CEP85L: variants seen among roughly 807,000 people sequenced by gnomAD.
The protein encoded by CEP85L is centrosomal protein of 85 kDa-like.
A neutral mutation model predicts 100.3 loss-of-function variants in CEP85L; 60 were observed. The ratio of observed to expected loss-of-function variants is 0.60; its 90% CI spans 0.49 to 0.74. CEP85L has a LOEUF of 0.74. Ranked by LOEUF, CEP85L falls within the 30% of genes least tolerant of loss-of-function variation. CEP85L has a pLI of 0.00. For synonymous variants in CEP85L, 319 were observed against 322.7 expected (o/e 0.99, Z 0.12); for missense variants, 973 against 936.2 (o/e 1.04, Z -0.51).
chr6:118,526,794 A>AG (rs1199803463), intron 3 of CEP85L, among the ~76,000 whole-genome samples: 1 of 152,216 alleles, frequency 6.6e-6, no homozygotes, highest in Non-Finnish European at 1.5e-5. Flanking sequence ...TAGTTTACAA[A>AG]GGCCATGGCA....
chr6:118,625,048 T>C lies in CEP85L; in HGVS notation c.232+7405A>G, dbSNP rs116805710. 3.8e-3 allele frequency among the ~76,000 whole-genome samples: 574 copies of C among 152,348 alleles called. 3 individuals carry two copies. The highest frequency in any genetic ancestry group is 0.013 in the African/African-American group (542 of 41,580). On this transcript the variant is annotated intron_variant, in intron 2 of 12. Transcript: ENST00000368491. ...TCCCAGTAGTCCCTGTCCCAGGACA[T>C]TGGAACCTATCCACCTCAGTCCTAA...
At chr6:118,615,935 T>C (rs184213677) in intron 2 of CEP85L, among the ~76,000 whole-genome samples, 11 of 152,174 alleles carry the variant, frequency 7.2e-5, no homozygotes, top group African/African-American at 2.4e-4. Context: ...TTTCCATCAC[T>C]GATTTAAATC....
chr6:118,552,505 T>C (rs1046403448), intron 3 of CEP85L, among the ~76,000 whole-genome samples: 1 of 151,982 alleles, frequency 6.6e-6, no homozygotes, highest in South Asian at 2.1e-4. Flanking sequence ...GCAGACAAAG[T>C]AAGGACTCCT....
intron 5 of CEP85L, among the ~76,000 whole-genome samples, chr6:118,506,315 TTTAA>T (rs960844363): frequency 3.9e-5 from 6 of 152,166 alleles, no homozygotes; most frequent in East Asian, 1.9e-4. Flanking sequence ...CTGGCGGTAC[TTTAA>T]TTAGAGGTCT....
At chr6:118,507,413 A>G (rs577141347) in intron 5 of CEP85L, among the ~76,000 whole-genome samples, 1 of 152,310 alleles carries the variant, frequency 6.6e-6, no homozygotes, top group East Asian at 1.9e-4. Flanking sequence ...CCTGCCTCCA[A>G]TAACATCTAC....
intron 2 of CEP85L, among the ~76,000 whole-genome samples, chr6:118,630,890 AAGGGATAT>A (rs1261617752): frequency 6.6e-6 from 1 of 152,212 alleles, no homozygotes; most frequent in African/African-American, 2.4e-5. Flanking sequence ...CTGCACATGC[AAGGGATAT>A]AGGTTGTGCG....
At chr6:118,675,748 C>A (rs1309669056) in intron 1 of CEP85L, among the ~76,000 whole-genome samples, 1 of 151,772 alleles carries the variant, frequency 6.6e-6, no homozygotes, top group Non-Finnish European at 1.5e-5. Flanking sequence ...CCCAGTAAGA[C>A]CCTGTCTCTA....
chr6:118,643,577 G>A (rs887097537), intron 1 of CEP85L, among the ~76,000 whole-genome samples: 1 of 152,092 alleles, frequency 6.6e-6, no homozygotes, highest in East Asian at 1.9e-4. Context: ...GCATACAACA[G>A]TTTCTGATCT....
At chr6:118,674,134 C>G (rs55892056) in intron 1 of CEP85L, among the ~76,000 whole-genome samples, 1 of 152,000 alleles carries the variant, frequency 6.6e-6, no homozygotes, top group African/African-American at 2.4e-5. Flanking sequence ...ACCAAAAACA[C>G]GGATAACAAT....
chr6:118,590,767 T>C (rs1781143396), intron 2 of CEP85L, among the ~76,000 whole-genome samples: 1 of 152,218 alleles, frequency 6.6e-6, no homozygotes, highest in African/African-American at 2.4e-5. Flanking sequence ...TCAGGTATTC[T>C]GTGCATAGAA....
At chr6:118,505,276 A>G (rs1205319452) in intron 5 of CEP85L, among the ~76,000 whole-genome samples, 1 of 151,920 alleles carries the variant, frequency 6.6e-6, no homozygotes, top group Non-Finnish European at 1.5e-5. Flanking sequence ...CCCCGTCTCT[A>G]ATAAAAATAC....
At chr6:118,675,562 A>G (rs1776455835) in intron 1 of CEP85L, among the ~76,000 whole-genome samples, 1 of 151,874 alleles carries the variant, frequency 6.6e-6, no homozygotes, top group African/African-American at 2.4e-5. Context: ...AAGATTAGAA[A>G]AGATTCCTTT....
chr6:118,687,980 G>C (rs1249855562), intron 1 of CEP85L, among the ~76,000 whole-genome samples: 1 of 152,164 alleles, frequency 6.6e-6, no homozygotes, highest in Non-Finnish European at 1.5e-5. Context: ...TTCTGATAGA[G>C]CTATAACACT....
chr6:118,520,189 T>C (rs946578408), intron 4 of CEP85L, among the ~76,000 whole-genome samples: 13 of 152,194 alleles, frequency 8.5e-5, no homozygotes, highest in African/African-American at 3.1e-4. Flanking sequence ...CATCACTGTA[T>C]TGGAGGCTCT....
chr6:118,481,717 G>A (rs1248255684), intron 8 of CEP85L, 62 bp downstream of exon 8: 8 of 965,898 alleles, frequency 8.3e-6, no homozygotes, highest in Non-Finnish European at 1.2e-5. Flanking sequence ...ATTAATTTAA[G>A]TAAAATGTTT....
chr6:118,710,019 T>C (rs1430290642), intron 1 of CEP85L: 1 of 152,184 alleles, frequency 6.6e-6, no homozygotes, highest in South Asian at 2.1e-4. Context: ...TGCTCCACAA[T>C]TGGAGAAACA....
intron 2 of CEP85L, among the ~76,000 whole-genome samples, chr6:118,617,016 A>G (rs1446790738): frequency 6.6e-6 from 1 of 152,022 alleles, no homozygotes; most frequent in Non-Finnish European, 1.5e-5. Context: ...TGGGCAATGT[A>G]GCAAGCTCCA....
At chr6:118,608,775 A>G (rs1328285456) in intron 2 of CEP85L, among the ~76,000 whole-genome samples, 2 of 152,234 alleles carry the variant, frequency 1.3e-5, no homozygotes, top group African/African-American at 4.8e-5. Context: ...GTATGTATGT[A>G]TATGGGGGTA....
At chr6:118,572,913 T>A (rs954358391) in intron 2 of CEP85L, among the ~76,000 whole-genome samples, 1 of 151,856 alleles carries the variant, frequency 6.6e-6, no homozygotes, top group Non-Finnish European at 1.5e-5. Flanking sequence ...ATACAAAAAA[T>A]TAGCCGGGCG....
Sources: gnomAD v4.1 joint callset for allele counts (sites outside exome capture counted in the v4.1 genomes callset) on GRCh38, gnomAD v4.1.1 for gene constraint, MANE v1.5 for transcripts, NCBI Gene and HGNC (gene_info 2026-07-23, HGNC 2026-07-21) for gene names.